ADD3: variants seen among roughly 807,000 people sequenced by gnomAD.
The protein encoded by ADD3 is gamma-adducin.
ADD3 carries 25 observed loss-of-function variants against 80.2 expected under a neutral mutation model. The ratio of observed to expected loss-of-function variants is 0.31; its 90% confidence interval spans 0.23 to 0.44. The LOEUF (loss-of-function observed/expected upper bound fraction) is 0.44. Among genes scored for constraint, ADD3 ranks in the 20% least tolerant of loss-of-function variants. The pLI is 1.00. For synonymous variants in ADD3, 284 were observed against 289.6 expected, an observed-to-expected ratio of 0.98 and a Z score of 0.20; for missense variants, 829 against 847.5, an observed-to-expected ratio of 0.98 and a Z score of 0.27.
intron 3 of ADD3, among the ~76,000 whole-genome samples, chr10:110,114,316 T>G (rs1299909702): frequency 6.6e-6 from 1 of 152,256 alleles, no homozygotes; most frequent in Non-Finnish European, 1.5e-5. Context: ...GCTTATGTAT[T>G]AAAACTATTC....
chr10:110,081,048 T>C (rs771898442), intron 1 of ADD3, among the ~76,000 whole-genome samples: 4 of 152,216 alleles, frequency 2.6e-5, no homozygotes, highest in African/African-American at 4.8e-5. Flanking sequence ...CTTCAATTGA[T>C]TTGTGTAATT....
chr10:110,086,680 C>T (rs2133824931), intron 1 of ADD3, among the ~76,000 whole-genome samples: 1 of 152,280 alleles, frequency 6.6e-6, no homozygotes, highest in South Asian at 2.1e-4. Flanking sequence ...TGCTTGCTTC[C>T]CCTTCACCTT....
intron 1 of ADD3, among the ~76,000 whole-genome samples, chr10:109,998,670 G>A (rs1367874241): frequency 6.6e-6 from 1 of 152,076 alleles, no homozygotes; most frequent in African/African-American, 2.4e-5. Flanking sequence ...CACAGTGTTT[G>A]ACCACCATGC....
chr10:110,087,722 A>G (rs1590062370), intron 1 of ADD3, among the ~76,000 whole-genome samples: 1 of 152,230 alleles, frequency 6.6e-6, no homozygotes, highest in Non-Finnish European at 1.5e-5. Context: ...TGTGCTATCT[A>G]TTCACACTGT....
intron 8 of ADD3, among the ~76,000 whole-genome samples, chr10:110,120,847 A>C (rs1007698340): frequency 1.3e-5 from 2 of 152,180 alleles, no homozygotes; most frequent in Admixed American, 1.3e-4. Context: ...ATAACGCCAC[A>C]TACCTACGAC....
At chr10:110,026,685 G>A (rs1041767211) in intron 1 of ADD3, among the ~76,000 whole-genome samples, 26 of 152,064 alleles carry the variant, frequency 1.7e-4, no homozygotes, top group Non-Finnish European at 2.9e-5. Flanking sequence ...TTGGAGTCTG[G>A]CTGTGTTTCC....
chr10:110,001,074 G>A (rs1314152721), upstream of ADD3, among the ~76,000 whole-genome samples: 2 of 152,142 alleles, frequency 1.3e-5, no homozygotes, highest in Non-Finnish European at 2.9e-5. Context: ...CATATGTTAT[G>A]TCATTTAATC....
At chr10:110,070,935 T>A (rs1844601144) in intron 1 of ADD3, among the ~76,000 whole-genome samples, 1 of 123,218 alleles carries the variant, frequency 8.1e-6, no homozygotes, top group Non-Finnish European at 1.6e-5. Context: ...TACAAACACA[T>A]CATGTGGGTT....
Position 110,057,900 on chromosome 10 carries a change from A to G in ADD3, c.-29-42725A>G, listed in dbSNP as rs1238246964. On this transcript the variant is annotated intron_variant, in intron 1 of 14. Coordinates refer to ENST00000356080, the MANE Select transcript of ADD3 (RefSeq NM_016824.5). Reference sequence around the variant, plus strand: ...GAAGTATGGATTCTTTTGTGTATGTATGTAGAAAAGCTGATGCTAGATAAT... The same window carrying G: ...GAAGTATGGATTCTTTTGTGTATGTGTGTAGAAAAGCTGATGCTAGATAAT... Among the ~76,000 whole-genome samples the G allele has an allele frequency of 2.0e-5, 3 of 152,226 alleles. No homozygotes were observed. In the East Asian group the frequency reaches 5.8e-4, roughly 29 times the overall value.
At chr10:110,101,427 A>G (rs906710192) in intron 2 of ADD3, among the ~76,000 whole-genome samples, 4 of 152,136 alleles carry the variant, frequency 2.6e-5, no homozygotes, top group African/African-American at 9.7e-5. Context: ...TGAGCACAGG[A>G]GTTTGAAACC....
intron 2 of ADD3, among the ~76,000 whole-genome samples, chr10:110,110,017 G>C: frequency 6.6e-6 from 1 of 152,138 alleles, no homozygotes. Context: ...AGATGTTTTT[G>C]AGCTTTTATT....
intron 1 of ADD3, among the ~76,000 whole-genome samples, chr10:110,011,506 G>A (rs1394518966): frequency 1.3e-5 from 2 of 152,164 alleles, no homozygotes; most frequent in East Asian, 1.9e-4. Flanking sequence ...ACAAGCATGC[G>A]TTGAATTGAG....
chr10:109,998,541 A>G (rs1851423502), intron 1 of ADD3, among the ~76,000 whole-genome samples: 1 of 152,102 alleles, frequency 6.6e-6, no homozygotes, highest in African/African-American at 2.4e-5. Flanking sequence ...AATGCAAATG[A>G]GACTGTAGCC....
At chr10:110,131,025 T>TA (rs1394879780) in intron 13 of ADD3, among the ~76,000 whole-genome samples, 1 of 152,238 alleles carries the variant, frequency 6.6e-6, no homozygotes, top group Non-Finnish European at 1.5e-5. Flanking sequence ...TTAACTCTCT[T>TA]AATTTTAAAT....
In ADD3 at chr10:110,112,859, A is replaced by G. The variant is rs747051168; in HGVS notation, c.278A>G (p.Gln93Arg). 6.2e-7 allele frequency: 1 copy of G among 1,614,036 alleles called. No homozygotes were observed. Among genetic ancestry groups the G allele is most frequent in the Non-Finnish European group, 8.5e-7 (1 of 1,180,018 alleles). Residue 93 changes from glutamine to arginine, a missense_variant, in exon 3 of 15, where the codon CAG (glutamine) becomes CGG (arginine). Physicochemically the swap from Gln to Arg is conservative, Grantham distance 43. Coordinates refer to ENST00000356080, the MANE Select transcript of ADD3 (RefSeq NM_016824.5). Reference protein sequence around the residue: ...HNPTGLLALQQIADYIMANSF... With the variant: ...HNPTGLLALQRIADYIMANSF... Reference sequence around the variant, plus strand: ...CCAACTGGATTACTAGCATTACAGCAGATTGCAGATTACATCATGGCCAAT... The same window carrying G: ...CCAACTGGATTACTAGCATTACAGCGGATTGCAGATTACATCATGGCCAAT...
chr10:110,100,010 C>T (rs1241381441), intron 1 of ADD3, among the ~76,000 whole-genome samples: 2 of 152,112 alleles, frequency 1.3e-5, no homozygotes, highest in Admixed American at 6.5e-5. Flanking sequence ...GGCACAGAGG[C>T]TCATGCCTGT....
chr10:110,085,075 C>T (rs1846546437), intron 1 of ADD3, among the ~76,000 whole-genome samples: 2 of 152,056 alleles, frequency 1.3e-5, no homozygotes, highest in South Asian at 2.1e-4. Flanking sequence ...TTTTAATTCC[C>T]CCCCATTTTT....
At chr10:109,999,241 C>A (rs994907416) in intron 1 of ADD3, among the ~76,000 whole-genome samples, 4 of 152,224 alleles carry the variant, frequency 2.6e-5, no homozygotes, top group Admixed American at 2.0e-4. Flanking sequence ...TGCTACTCTA[C>A]CAACACACTT....
chr10:110,022,860 A>G (rs904420015), intron 1 of ADD3, among the ~76,000 whole-genome samples: 1 of 152,152 alleles, frequency 6.6e-6, no homozygotes, highest in Non-Finnish European at 1.5e-5. Context: ...AGGAGGGTGA[A>G]TTATAGGCCA....
Sources: gnomAD v4.1 joint callset for allele counts (sites outside exome capture counted in the v4.1 genomes callset) on GRCh38, gnomAD v4.1.1 for gene constraint, MANE v1.5 for transcripts, NCBI Gene and HGNC (gene_info 2026-07-23, HGNC 2026-07-21) for gene names.